The following KCNC2 variants were observed in gnomAD, a reference collection of about 807,000 sequenced individuals.
KCNC2 encodes voltage-gated potassium channel KCNC2.
A neutral mutation model predicts 44.5 loss-of-function variants in KCNC2; 21 were observed. The observed-to-expected ratio is 0.47, with a 90% CI of 0.33 to 0.68. The LOEUF (loss-of-function observed/expected upper bound fraction) is 0.68, where lower values mean the gene tolerates loss of function less well. Among genes scored for constraint, KCNC2 ranks in the 30% least tolerant of loss-of-function variants. KCNC2 has a pLI of 0.01. For synonymous variants in KCNC2, 391 were observed against 339.1 expected, an observed-to-expected ratio of 1.15 and a Z score of -1.68; for missense variants, 589 against 826.2, an observed-to-expected ratio of 0.71 and a Z score of 3.52.
Position 75,042,711 on chromosome 12 carries a change from A to G in KCNC2, c.*394T>C. Reference sequence around the variant, plus strand: ...TCGTGTGCAATCAAGATAGGATCCCAGACATCTTCAGAATGGTTTACAGTC... The same window carrying G: ...TCGTGTGCAATCAAGATAGGATCCCGGACATCTTCAGAATGGTTTACAGTC... On this transcript the variant is annotated 3_prime_UTR_variant, in exon 5 of 5. Coordinates refer to ENST00000549446, the MANE Select transcript of KCNC2 (RefSeq NM_139137.4). The G allele has an allele frequency of 8.5e-7, 1 of 1,169,804 alleles. No homozygotes were observed. Among genetic ancestry groups the G allele is most frequent in the Non-Finnish European group, 1.1e-6 (1 of 945,890 alleles). 72.5% of individuals were successfully genotyped at this position (1,169,804 alleles called of 1,614,324 possible).
chr12:75,144,866 A>G (rs1032239428), intron 2 of KCNC2, among the ~76,000 whole-genome samples: 4 of 152,166 alleles, frequency 2.6e-5, no homozygotes, highest in East Asian at 1.9e-4. Flanking sequence ...CTCAGGAAGT[A>G]GAGTCTTTCC....
chr12:75,080,012 A>C (rs1408011187), intron 2 of KCNC2, among the ~76,000 whole-genome samples: 6 of 152,134 alleles, frequency 3.9e-5, no homozygotes, highest in Non-Finnish European at 8.8e-5. Flanking sequence ...GGGGAAGAAG[A>C]CTTGCTCTAT....
chr12:75,159,367 C>A (rs1157981278), intron 2 of KCNC2, among the ~76,000 whole-genome samples: 1 of 144,822 alleles, frequency 6.9e-6, no homozygotes, highest in Non-Finnish European at 1.6e-5. Context: ...TTTTGCTGCT[C>A]CCCCAATAAA....
At chr12:75,193,453 C>T (rs538676670) in intron 2 of KCNC2, among the ~76,000 whole-genome samples, 1 of 152,214 alleles carries the variant, frequency 6.6e-6, no homozygotes, top group Admixed American at 6.5e-5. Context: ...TATGGGACAA[C>T]TGCTCAGAAG....
chr12:75,209,379 G>T lies in KCNC2; in HGVS notation c.-192C>A, dbSNP rs199613430. 4 of 152,512 alleles carry T rather than the reference G, an allele frequency of 2.6e-5. No homozygotes were observed. The highest frequency in any genetic ancestry group is 3.9e-4 in the East Asian group (2 of 5,170). The allele number at this position is 152,512 out of a possible 1,614,324, so 9.4% of individuals were successfully genotyped here. On this transcript the variant is annotated 5_prime_UTR_variant, in exon 1 of 5. Coordinates refer to ENST00000549446, the MANE Select transcript of KCNC2 (RefSeq NM_139137.4). The stretch of plus-strand genomic sequence containing the variant: ...GAGCCGCTTCCCTGGGCGCTGGGGT[G>T]GGGGAGAAAGCCCCCGCCGGCCGCC...
rs181208165 is a variant in KCNC2 at position 75,153,239 on chromosome 12, T to A, written c.687+54058A>T. On this transcript the variant is annotated intron_variant, in intron 2 of 4. Coordinates refer to ENST00000549446, the MANE Select transcript of KCNC2 (RefSeq NM_139137.4). Reference sequence around the variant, plus strand: ...ACATGTAATGTTCTATTTCACAGGCTGAGGGAGGTAGCAACGATGTTTATT... The same window carrying A: ...ACATGTAATGTTCTATTTCACAGGCAGAGGGAGGTAGCAACGATGTTTATT... Among the ~76,000 whole-genome samples the A allele has an allele frequency of 3.9e-5, 6 of 152,110 alleles. No homozygotes were observed. The East Asian group carries it at 1.2e-3, about 30-fold the overall frequency.
chr12:75,057,182 T>C (rs1003160374), intron 2 of KCNC2, among the ~76,000 whole-genome samples: 7 of 152,054 alleles, frequency 4.6e-5, no homozygotes, highest in African/African-American at 1.7e-4. Flanking sequence ...ATAGAACTTA[T>C]AAATTGGAAG....
At chr12:75,055,238 T>C (rs926593779) in intron 2 of KCNC2, among the ~76,000 whole-genome samples, 2 of 151,968 alleles carry the variant, frequency 1.3e-5, no homozygotes, top group Admixed American at 6.6e-5. Flanking sequence ...AGGAAATGAA[T>C]AAGATAGACC....
At chr12:75,126,452 C>T (rs1383663102) in intron 2 of KCNC2, among the ~76,000 whole-genome samples, 4 of 152,050 alleles carry the variant, frequency 2.6e-5, no homozygotes, top group Admixed American at 2.6e-4. Context: ...TTTTATATCC[C>T]TAAGGATTTT....
chr12:75,099,522 T>C (rs1886202133), intron 2 of KCNC2, among the ~76,000 whole-genome samples: 1 of 152,164 alleles, frequency 6.6e-6, no homozygotes, highest in South Asian at 2.1e-4. Flanking sequence ...AGAAAACTTC[T>C]GACTATGAGC....
intron 2 of KCNC2, among the ~76,000 whole-genome samples, chr12:75,087,224 A>G (rs1885103522): frequency 6.6e-6 from 1 of 152,092 alleles, no homozygotes; most frequent in Admixed American, 6.6e-5. Context: ...TAAAGGTAGC[A>G]TTGGATATGG....
chr12:75,202,625 C>A (rs184396096), intron 2 of KCNC2, among the ~76,000 whole-genome samples: 15 of 151,838 alleles, frequency 9.9e-5, no homozygotes, highest in Admixed American at 6.6e-4. Flanking sequence ...GGTATAAGTA[C>A]AGTCTTCATT....
chr12:75,193,078 G>T (rs1253898253), intron 2 of KCNC2, among the ~76,000 whole-genome samples: 2 of 151,912 alleles, frequency 1.3e-5, no homozygotes, highest in South Asian at 2.1e-4. Flanking sequence ...TCATAACTCT[G>T]GGTAAAAACA....
In KCNC2 at chr12:75,043,062, A is replaced by G; in HGVS notation, c.*43T>C. The G allele has an allele frequency of 6.2e-7, 1 of 1,608,006 alleles. No individual in the cohort carries two copies. The highest frequency in any genetic ancestry group is 8.5e-7 in the Non-Finnish European group (1 of 1,176,922). On this transcript the variant is annotated 3_prime_UTR_variant, in exon 5 of 5. Coordinates refer to ENST00000549446, the MANE Select transcript of KCNC2 (RefSeq NM_139137.4). ...TCCATTATGGGGTAAACAGCACTTG[A>G]ATTAATACAATTTAGCCGACTGATG...
chr12:75,088,822 A>G (rs997017784), intron 2 of KCNC2, among the ~76,000 whole-genome samples: 1 of 152,012 alleles, frequency 6.6e-6, no homozygotes, highest in East Asian at 1.9e-4. Flanking sequence ...GTGGATTTAT[A>G]TATAATCTAA....
At chr12:75,075,510 C>T (rs558171432) in intron 2 of KCNC2, among the ~76,000 whole-genome samples, 18 of 142,628 alleles carry the variant, frequency 1.3e-4, no homozygotes, top group African/African-American at 4.6e-4. Flanking sequence ...AATAACATTG[C>T]TACAGCATGT....
chr12:75,176,818 C>G (rs1176396155), intron 2 of KCNC2, among the ~76,000 whole-genome samples: 1 of 151,672 alleles, frequency 6.6e-6, no homozygotes, highest in African/African-American at 2.4e-5. Flanking sequence ...AATCCAGGTC[C>G]TGGGAATTTG....
intron 2 of KCNC2, among the ~76,000 whole-genome samples, chr12:75,153,709 A>G (rs1331376770): frequency 6.6e-6 from 1 of 151,972 alleles, no homozygotes; most frequent in Admixed American, 6.6e-5. Flanking sequence ...CAATTAACAC[A>G]TATTTTATAT....
chr12:75,111,154 A>T (rs1887204892), intron 2 of KCNC2, among the ~76,000 whole-genome samples: 1 of 152,140 alleles, frequency 6.6e-6, no homozygotes, highest in Admixed American at 6.6e-5. Flanking sequence ...TTAAAAGTAA[A>T]ATCACTGTGT....
Sources: allele counts gnomAD v4.1 joint callset (sites outside exome capture counted in the v4.1 genomes callset), GRCh38; gene constraint gnomAD v4.1.1; transcripts MANE v1.5; gene names NCBI Gene and HGNC (gene_info 2026-07-23, HGNC 2026-07-21).